Variants in KANK1 observed in about 807,000 individuals in gnomAD.
The protein encoded by KANK1 is KN motif and ankyrin repeat domain-containing protein 1.
KANK1 carries 109 observed loss-of-function variants against 106.2 expected under a neutral mutation model. The observed-to-expected ratio is 1.03, with a 90% CI of 0.88 to 1.20. The LOEUF (loss-of-function observed/expected upper bound fraction) is 1.20. Among genes scored for constraint, KANK1 ranks in the 50% most tolerant of loss-of-function variants. KANK1 has a pLI of 0.00. For synonymous variants in KANK1, 873 were observed against 652.2 expected (o/e 1.34, Z -5.16); for missense variants, 2,399 against 1,710.7 (o/e 1.40, Z -7.10).
intron 1 of KANK1, among the ~76,000 whole-genome samples, chr9:553,142 T>G (rs2061378883): frequency 6.6e-6 from 1 of 152,090 alleles, no homozygotes; most frequent in African/African-American, 2.4e-5. Context: ...AGCGAGACCC[T>G]GTCTCAAAAA....
chr9:619,055 G>A (rs1446513929), intron 1 of KANK1, among the ~76,000 whole-genome samples: 1 of 152,124 alleles, frequency 6.6e-6, no homozygotes, highest in Non-Finnish European at 1.5e-5. Context: ...AAATCCACAG[G>A]ACCTTTAGGA....
At chr9:528,739 C>T (rs761905128) in intron 1 of KANK1, among the ~76,000 whole-genome samples, 10 of 152,020 alleles carry the variant, frequency 6.6e-5, no homozygotes, top group African/African-American at 1.4e-4. Flanking sequence ...CCAGCCGCCT[C>T]GGCCTCCCAA....
chr9:608,622 G>T (rs2804309), intron 1 of KANK1, among the ~76,000 whole-genome samples: 101,464 of 150,398 alleles, frequency 0.67, 34,768 homozygotes, highest in South Asian at 0.75. Flanking sequence ...GCCATCATCA[G>T]GACATCATCA....
At chr9:732,189 C>G (rs1832485205) in intron 5 of KANK1, 189 bp from the exon 6 acceptor site, 1 of 579,054 alleles carries the variant, frequency 1.7e-6, no homozygotes, top group Non-Finnish European at 3.0e-6. Flanking sequence ...TACCGATAAC[C>G]AGTTTAAGTT....
intron 1 of KANK1, among the ~76,000 whole-genome samples, chr9:508,101 T>C (rs917292053): frequency 5.8e-4 from 80 of 137,346 alleles, no homozygotes; most frequent in African/African-American, 2.0e-3. Flanking sequence ...GGATTACAGG[T>C]GTGAGACACC....
intron 3 of KANK1, among the ~76,000 whole-genome samples, chr9:489,675 A>G (rs759471132): frequency 5.9e-5 from 9 of 152,208 alleles, no homozygotes; most frequent in Non-Finnish European, 1.2e-4. Context: ...TGAAAGTATT[A>G]GAGATAATAG....
At chr9:601,542 G>A (rs915501539) in intron 1 of KANK1, among the ~76,000 whole-genome samples, 6 of 151,806 alleles carry the variant, frequency 4.0e-5, no homozygotes, top group African/African-American at 1.5e-4. Context: ...GACCACAAAA[G>A]CAATGATGTA....
intron 1 of KANK1, among the ~76,000 whole-genome samples, chr9:512,128 C>T (rs2059056062): frequency 6.6e-6 from 1 of 152,156 alleles, no homozygotes; most frequent in Non-Finnish European, 1.5e-5. Flanking sequence ...AACTACATGT[C>T]TTCATGGTGA....
rs143746815 is a variant in KANK1 at position 585,917 on chromosome 9, G to C, written c.-84+81163G>C. ...GGAAGAACTGAAGGTCAACAGGGGA[G>C]TTTATATGTGATGGAAGAGAAAATC... is the stretch of plus-strand genomic sequence containing the variant. On this transcript the variant is annotated intron_variant, in intron 1 of 11. Coordinates refer to ENST00000382297, the MANE Select transcript of KANK1 (RefSeq NM_015158.5). Among the ~76,000 whole-genome samples the C allele has an allele frequency of 8.5e-4, 130 of 152,272 alleles. 2 individuals carry two copies. The East Asian group carries it at 0.02, about 24-fold the overall frequency.
intron 2 of KANK1, among the ~76,000 whole-genome samples, chr9:688,146 C>G (rs2139345159): frequency 6.6e-6 from 1 of 152,328 alleles, no homozygotes; most frequent in African/African-American, 2.4e-5. Context: ...CCGTAAGTTC[C>G]CAGTTGGTCG....
chr9:712,753 A>G lies in KANK1; in HGVS notation c.1987A>G (p.Met663Val), dbSNP rs1019104679. ...TGTTAGCCAGGTGGAAGCTGCCGTC[A>G]TGGCAGTGCCTCGTACTGCAGACCA... Reference protein sequence around the residue: ...EAVSQVEAAVMAVPRTADQDT... With the variant: ...EAVSQVEAAVVAVPRTADQDT... Residue 663 changes from methionine (M) to valine (V), a missense_variant, in exon 3 of 12, where the codon ATG becomes GTG. Transcript: ENST00000382297. 1.2e-6 allele frequency: 2 copies of G among 1,613,814 alleles called. No individual in the cohort carries two copies. Among genetic ancestry groups the G allele is most frequent in the African/African-American group, 1.3e-5 (1 of 74,930 alleles).
intron 1 of KANK1, among the ~76,000 whole-genome samples, chr9:517,572 C>G (rs1431493353): frequency 6.6e-6 from 1 of 151,446 alleles, no homozygotes; most frequent in Non-Finnish European, 1.5e-5. Context: ...TTAGTGAAAT[C>G]CTATGTGCCT....
Position 745,268 on chromosome 9 carries a change from C to G in KANK1, c.*33C>G, listed in dbSNP as rs1404728711. 6.2e-7 allele frequency: 1 copy of G among 1,612,812 alleles called. No individual in the cohort carries two copies. The highest frequency in any genetic ancestry group is 2.2e-5 in the East Asian group (1 of 44,888). On this transcript the variant is annotated 3_prime_UTR_variant, in exon 12 of 12. Coordinates refer to ENST00000382297, the MANE Select transcript of KANK1 (RefSeq NM_015158.5). ...CAAATAGCCCTTTATTTACATGCCA[C>G]TATTAAGCTGCTAATTGTTCCTGTT...
intron 1 of KANK1, among the ~76,000 whole-genome samples, chr9:657,807 G>A (rs1044960935): frequency 4.2e-4 from 64 of 151,992 alleles, no homozygotes; most frequent in African/African-American, 1.5e-3. Context: ...CTTAAGTTAG[G>A]AACTTTTATG....
chr9:470,322 G>C (rs1160146881), exon 1 of KANK1: 1 of 152,222 alleles, frequency 6.6e-6, no homozygotes, highest in African/African-American at 2.4e-5. Context: ...TCCGAAGCGG[G>C]CGTGCTCCAG....
chr9:611,203 T>C lies in KANK1; in HGVS notation c.-83-65687T>C, dbSNP rs148211281. The stretch of plus-strand genomic sequence containing the variant: ...GCCCCCTGAGTTCCATTTGTTAGTA[T>C]TGGGTCCAGCCCACAGCTTTCTACT... On this transcript the variant is annotated intron_variant, in intron 1 of 11. Transcript: ENST00000382297. Among the ~76,000 whole-genome samples, 50 of 152,274 alleles carry C rather than the reference T, an allele frequency of 3.3e-4. No homozygotes were observed. In the East Asian group the frequency reaches 8.5e-3, roughly 26 times the overall value.
Position 686,909 on chromosome 9 carries a change from A to G in KANK1, c.37+9900A>G, listed in dbSNP as rs7864576. ...TAAATGAAGAATCCTGAGACTAAAC[A>G]TCTTCTAGAAAGGTAAAGGGGGCTT... On this transcript the variant is annotated intron_variant, in intron 2 of 11. Transcript: ENST00000382297. 7.3e-4 allele frequency: 716 copies of G among 984,274 alleles called. 5 individuals carry two copies. The African/African-American group carries it at 0.012, about 16-fold the overall frequency. The allele number at this position is 984,274 out of a possible 1,614,324, so 61.0% of individuals were successfully genotyped here.
At chr9:676,482 A>G (rs567415029) in intron 1 of KANK1, among the ~76,000 whole-genome samples, 1 of 152,342 alleles carries the variant, frequency 6.6e-6, no homozygotes, top group East Asian at 1.9e-4. Flanking sequence ...ATTTGGTGCA[A>G]TAATTGCTTT....
At chr9:539,707 G>C (rs780534658) in intron 1 of KANK1, 1 of 133,254 alleles carries the variant, frequency 7.5e-6, no homozygotes, top group African/African-American at 3.4e-5. Flanking sequence ...GGCTGGTCTT[G>C]AACTCCTGGA....
Sources: gnomAD v4.1 joint callset for allele counts (sites outside exome capture counted in the v4.1 genomes callset) on GRCh38, gnomAD v4.1.1 for gene constraint, MANE v1.5 for transcripts, NCBI Gene and HGNC (gene_info 2026-07-23, HGNC 2026-07-21) for gene names.